Variants in SNX3 observed in about 807,000 individuals in gnomAD.
The protein encoded by SNX3 is sorting nexin-3.
In SNX3, 5 loss-of-function variants were observed where a neutral mutation model predicts 17.7. The ratio of observed to expected loss-of-function variants is 0.28; its 90% confidence interval spans 0.15 to 0.59. The LOEUF (loss-of-function observed/expected upper bound fraction) is 0.59. Ranked by LOEUF, SNX3 falls within the 20% of genes least tolerant of loss-of-function variation. SNX3 has a pLI of 0.88. For synonymous variants in SNX3, 91 were observed against 76.5 expected, an observed-to-expected ratio of 1.19 and a Z score of -0.99; for missense variants, 132 against 206.8, an observed-to-expected ratio of 0.64 and a Z score of 2.22.
In SNX3 at chr6:108,260,714, G is replaced by C. The variant is rs1281791444; in HGVS notation, c.162+46C>G. 6 of 1,610,490 alleles carry C rather than the reference G, an allele frequency of 3.7e-6. No homozygotes were observed. The African/African-American group carries it at 8.0e-5, about 22-fold the overall frequency. The stretch of plus-strand genomic sequence containing the variant: ...CTCCCGGGTCGAGTGGGGGTGACCA[G>C]AGCCAGCGGGAGGGGTTTCTTGGGA... On this transcript the variant is annotated intron_variant, in intron 1 of 3. Transcript: ENST00000230085.
chr6:108,235,660 C>T (rs1775305335), intron 1 of SNX3, among the ~76,000 whole-genome samples: 1 of 152,142 alleles, frequency 6.6e-6, no homozygotes. Context: ...TGTTGGGATG[C>T]CGAGGTGGGT....
intron 1 of SNX3, among the ~76,000 whole-genome samples, chr6:108,248,010 C>T (rs1054073193): frequency 3.3e-5 from 5 of 151,926 alleles, no homozygotes; most frequent in African/African-American, 7.2e-5. Flanking sequence ...AAATAAAAAT[C>T]GAGAAAAATG....
At chr6:108,239,298 A>G (rs1002747129) in intron 1 of SNX3, among the ~76,000 whole-genome samples, 1 of 152,052 alleles carries the variant, frequency 6.6e-6, no homozygotes, top group African/African-American at 2.4e-5. Context: ...CATTAACAGT[A>G]CGATCATGCC....
At chr6:108,235,212 C>T (rs1396831045) in intron 1 of SNX3, among the ~76,000 whole-genome samples, 1 of 152,214 alleles carries the variant, frequency 6.6e-6, no homozygotes, top group African/African-American at 2.4e-5. Flanking sequence ...GACATTCTCT[C>T]TTGCGATCCT....
intron 3 of SNX3, among the ~76,000 whole-genome samples, chr6:108,214,287 G>A (rs1327599212): frequency 6.6e-6 from 1 of 152,084 alleles, no homozygotes; most frequent in African/African-American, 2.4e-5. Context: ...ACAAAACGTA[G>A]GTCAACACAA....
chr6:108,237,339 C>G (rs767895599), intron 1 of SNX3, among the ~76,000 whole-genome samples: 1 of 152,122 alleles, frequency 6.6e-6, no homozygotes, highest in Non-Finnish European at 1.5e-5. Context: ...GGATATCATT[C>G]CAGATCCTTT....
chr6:108,244,045 T>C lies in SNX3; in HGVS notation c.162+16715A>G, dbSNP rs558254580. On this transcript the variant is annotated intron_variant, in intron 1 of 3. Coordinates refer to ENST00000230085, the MANE Select transcript of SNX3 (RefSeq NM_003795.6). ...AGATAAAGTAGACTGTAAAACACAATAGATGACTAAGAACTGAGAGTTCTT... is the reference window on the plus strand; with the variant it reads ...AGATAAAGTAGACTGTAAAACACAACAGATGACTAAGAACTGAGAGTTCTT... Among the ~76,000 whole-genome samples the C allele has an allele frequency of 1.2e-4, 18 of 152,240 alleles. No homozygotes were observed. In the South Asian group the frequency reaches 2.3e-3, roughly 19 times the overall value.
chr6:108,260,628 C>T, intron 1 of SNX3, 132 bp downstream of exon 1: 2 of 1,025,168 alleles, frequency 2.0e-6, no homozygotes, highest in Non-Finnish European at 2.9e-6. Context: ...GCTCACGACC[C>T]CGGCCCGCCT....
intron 3 of SNX3, among the ~76,000 whole-genome samples, chr6:108,212,882 CTTTTTTTT>C (rs776376957): frequency 8.4e-6 from 1 of 118,956 alleles, no homozygotes; most frequent in Non-Finnish European, 1.8e-5. Context: ...TCCTAAGAAT[CTTTTTTTT>C]TTTTTTTTTT....
intron 1 of SNX3, among the ~76,000 whole-genome samples, chr6:108,234,323 C>T (rs528290156): frequency 3.3e-5 from 5 of 151,940 alleles, no homozygotes; most frequent in African/African-American, 7.2e-5. Flanking sequence ...GAGGCCGAGG[C>T]GGGTGGATCA....
chr6:108,256,875 A>G (rs1283664185), intron 1 of SNX3, among the ~76,000 whole-genome samples: 1 of 152,206 alleles, frequency 6.6e-6, no homozygotes, highest in African/African-American at 2.4e-5. Flanking sequence ...TACCCATTAG[A>G]ACAATTTTTA....
At chr6:108,212,617 C>T (rs570588932) in intron 3 of SNX3, among the ~76,000 whole-genome samples, 45 of 152,224 alleles carry the variant, frequency 3.0e-4, no homozygotes, top group African/African-American at 9.1e-4. Flanking sequence ...GGATTACAGG[C>T]GTGAGCCACT....
chr6:108,252,553 G>C (rs1245981007), intron 1 of SNX3: 2 of 152,174 alleles, frequency 1.3e-5, no homozygotes, highest in Non-Finnish European at 2.9e-5. Context: ...GATGACCCTT[G>C]ATCCCATTCC....
chr6:108,229,434 C>T (rs1775072299), intron 1 of SNX3, among the ~76,000 whole-genome samples: 1 of 151,036 alleles, frequency 6.6e-6, no homozygotes, highest in Non-Finnish European at 1.5e-5. Context: ...TCTCCCCCTC[C>T]CTCCCTCCCC....
chr6:108,260,802 C>T lies in SNX3; in HGVS notation c.120G>A (p.Gly40=), dbSNP rs1422217805. Residue 40 remains glycine, a synonymous_variant, in exon 1 of 4, where the codon GGG becomes GGA. Transcript: ENST00000230085. ...EIDVSNPQTV[G]VGRGRFTTYE... is the part of the protein sequence containing the mutation. ...AAGTGGTGAAGCGGCCCCGGCCGAC[C>T]CCCACCGTTTGCGGGTTGCTCACAT... The T allele has an allele frequency of 6.2e-7, 1 of 1,613,904 alleles. No homozygotes were observed. The highest frequency in any genetic ancestry group is 8.5e-7 in the Non-Finnish European group (1 of 1,179,876).
chr6:108,229,175 G>A (rs1056548654), intron 1 of SNX3, among the ~76,000 whole-genome samples: 5 of 149,600 alleles, frequency 3.3e-5, no homozygotes, highest in African/African-American at 4.9e-5. Flanking sequence ...CAGGATAATC[G>A]CTTGAACCCG....
intron 3 of SNX3, 33 bp downstream of exon 3, chr6:108,214,465 A>G (rs1258318673): frequency 6.2e-7 from 1 of 1,601,064 alleles, no homozygotes; most frequent in Non-Finnish European, 8.5e-7. Context: ...CACTTAAAGT[A>G]GTCCTACACT....
intron 2 of SNX3, among the ~76,000 whole-genome samples, chr6:108,221,559 T>TTC (rs1649611422): frequency 1.7e-5 from 2 of 120,140 alleles, no homozygotes; most frequent in East Asian, 4.5e-4. Flanking sequence ...TTTTTTTTTT[T>TTC]TTTTGAGACA....
chr6:108,258,754 C>T (rs993674477), intron 1 of SNX3, among the ~76,000 whole-genome samples: 1 of 152,000 alleles, frequency 6.6e-6, no homozygotes, highest in African/African-American at 2.4e-5. Context: ...AGGGATCCAC[C>T]TGCCTCAGCC....
Sources: gnomAD v4.1 joint callset for allele counts (sites outside exome capture counted in the v4.1 genomes callset) on GRCh38, gnomAD v4.1.1 for gene constraint, MANE v1.5 for transcripts, NCBI Gene and HGNC (gene_info 2026-07-23, HGNC 2026-07-21) for gene names.